The following TBC1D22A variants were observed in gnomAD, a reference collection of about 807,000 sequenced individuals.
TBC1D22A encodes TBC1 domain family member 22A.
Under a neutral mutation model 60.2 loss-of-function variants are expected in TBC1D22A, and 38 were observed. That is an observed-to-expected ratio of 0.63 (90% CI 0.49 to 0.83). The LOEUF (loss-of-function observed/expected upper bound fraction) is 0.83. Ranked by LOEUF, TBC1D22A falls within the 40% of genes least tolerant of loss-of-function variation. The pLI is 0.00. For missense variants in TBC1D22A, 628 were observed against 701.0 expected, an observed-to-expected ratio of 0.90 and a Z score of 1.18; for synonymous variants, 302 against 281.7, an observed-to-expected ratio of 1.07 and a Z score of -0.72.
Position 47,110,111 on chromosome 22 carries a change from C to A in TBC1D22A, c.1330-1397C>A, listed in dbSNP as rs868331848. 3.3e-5 allele frequency among the ~76,000 whole-genome samples: 5 copies of A among 152,320 alleles called. No individual in the cohort carries two copies. In the South Asian group the frequency reaches 8.3e-4, roughly 25 times the overall value. On this transcript the variant is annotated intron_variant, in intron 11 of 12. Coordinates refer to ENST00000337137, the MANE Select transcript of TBC1D22A (RefSeq NM_014346.5). ...CTGGTCTCCTCGCTTTTGGAACATT[C>A]CAAGCAGCTTCTAACCACAGGGTCT...
intron 10 of TBC1D22A, among the ~76,000 whole-genome samples, chr22:47,017,374 G>A (rs538474345): frequency 1.3e-5 from 2 of 152,336 alleles, no homozygotes; most frequent in South Asian, 4.1e-4. Flanking sequence ...GCTCAGGTGA[G>A]GGGTCGCCTT....
intron 1 of TBC1D22A, among the ~76,000 whole-genome samples, chr22:46,772,918 G>T (rs2083551953): frequency 6.6e-6 from 1 of 152,148 alleles, no homozygotes; most frequent in Non-Finnish European, 1.5e-5. Flanking sequence ...ATGAGCCACT[G>T]CATGTGGCCA....
intron 11 of TBC1D22A, among the ~76,000 whole-genome samples, chr22:47,050,878 C>T (rs1011518865): frequency 6.6e-6 from 1 of 152,136 alleles, no homozygotes; most frequent in East Asian, 1.9e-4. Flanking sequence ...CCCCTCTGAC[C>T]CTGGGTGGCA....
At chr22:47,095,774 G>C (rs2065148128) in intron 11 of TBC1D22A, among the ~76,000 whole-genome samples, 1 of 152,228 alleles carries the variant, frequency 6.6e-6, no homozygotes, top group Non-Finnish European at 1.5e-5. Context: ...CCCTTGAGAG[G>C]AAGGTTACAG....
chr22:46,811,844 C>T (rs1014767392), intron 4 of TBC1D22A, among the ~76,000 whole-genome samples: 1 of 152,064 alleles, frequency 6.6e-6, no homozygotes, highest in Admixed American at 6.5e-5. Context: ...TGAAGGCATT[C>T]GATTTGAGGC....
chr22:46,907,081 G>GTT, intron 7 of TBC1D22A, among the ~76,000 whole-genome samples: 1 of 151,520 alleles, frequency 6.6e-6, no homozygotes, highest in Admixed American at 6.6e-5. Flanking sequence ...GTGCTCTTCT[G>GTT]TGTGTGTGTG....
intron 12 of TBC1D22A, among the ~76,000 whole-genome samples, chr22:47,126,285 T>G (rs1161562452): frequency 6.6e-6 from 1 of 152,166 alleles, no homozygotes; most frequent in Non-Finnish European, 1.5e-5. Flanking sequence ...CCCGGCCAGA[T>G]GAAGATGTTT....
chr22:47,058,692 G>A (rs1203867821), intron 11 of TBC1D22A, among the ~76,000 whole-genome samples: 1 of 152,116 alleles, frequency 6.6e-6, no homozygotes, highest in Non-Finnish European at 1.5e-5. Flanking sequence ...CTGGGTCCCT[G>A]GAGAGCCACA....
At chr22:46,824,682 C>CGGTGGA (rs553351128) in intron 4 of TBC1D22A, among the ~76,000 whole-genome samples, 112 of 151,684 alleles carry the variant, frequency 7.4e-4, no homozygotes, top group African/African-American at 2.6e-3. Flanking sequence ...TGGCTGGAGT[C>CGGTGGA]GGTGGAGGTG....
At chr22:46,880,415 A>G (rs1366146028) in intron 5 of TBC1D22A, among the ~76,000 whole-genome samples, 1 of 152,206 alleles carries the variant, frequency 6.6e-6, no homozygotes, top group African/African-American at 2.4e-5. Flanking sequence ...TGAGTTTTTT[A>G]TAGTGATCTT....
intron 11 of TBC1D22A, among the ~76,000 whole-genome samples, chr22:47,067,073 C>G (rs2063799149): frequency 6.6e-6 from 1 of 152,216 alleles, no homozygotes; most frequent in Non-Finnish European, 1.5e-5. Flanking sequence ...TGAGACCACC[C>G]TGGCCAACAT....
intron 12 of TBC1D22A, among the ~76,000 whole-genome samples, chr22:47,173,188 C>T (rs981643378): frequency 1.3e-5 from 2 of 152,188 alleles, no homozygotes; most frequent in South Asian, 4.1e-4. Context: ...CTTGGAGCTG[C>T]GCAGTGGGCC....
intron 8 of TBC1D22A, chr22:46,915,412 G>T (rs879141575): frequency 2.2e-6 from 1 of 456,542 alleles, no homozygotes; most frequent in African/African-American, 2.0e-5. Flanking sequence ...CCTGGTAATG[G>T]GATTCTGTGG....
chr22:46,997,781 G>C, intron 10 of TBC1D22A, 72 bp downstream of exon 10: 2 of 1,422,184 alleles, frequency 1.4e-6, no homozygotes, highest in South Asian at 2.3e-5. Context: ...GTGGGACAGG[G>C]AGCTGTCCTC....
At chr22:46,783,322 C>T (rs111467981) in intron 1 of TBC1D22A, among the ~76,000 whole-genome samples, 62 of 152,296 alleles carry the variant, frequency 4.1e-4, no homozygotes, top group African/African-American at 1.4e-3. Context: ...GAGAGTAAGG[C>T]GGTGCTCCAG....
chr22:46,852,054 C>A (rs2087305330), intron 4 of TBC1D22A, among the ~76,000 whole-genome samples: 1 of 152,134 alleles, frequency 6.6e-6, no homozygotes, highest in South Asian at 2.1e-4. Context: ...TGTGGTGGGG[C>A]TCAGGGGCGC....
intron 12 of TBC1D22A, among the ~76,000 whole-genome samples, chr22:47,166,356 G>GGC (rs1167169321): frequency 6.6e-6 from 1 of 152,148 alleles, no homozygotes; most frequent in Non-Finnish European, 1.5e-5. Flanking sequence ...CAAAGAAAGA[G>GGC]GCAGGTGTCA....
intron 9 of TBC1D22A, among the ~76,000 whole-genome samples, chr22:46,981,816 A>G (rs547701946): frequency 2.6e-5 from 4 of 152,350 alleles, no homozygotes; most frequent in African/African-American, 9.6e-5. Flanking sequence ...TAGATCGAGC[A>G]GATAAGAATT....
chr22:46,785,653 A>G (rs1482310416), intron 1 of TBC1D22A, among the ~76,000 whole-genome samples: 1 of 152,224 alleles, frequency 6.6e-6, no homozygotes, highest in Non-Finnish European at 1.5e-5. Context: ...CGTTCTCTGT[A>G]TATAGAATTG....
Sources: allele counts gnomAD v4.1 joint callset (sites outside exome capture counted in the v4.1 genomes callset), GRCh38; gene constraint gnomAD v4.1.1; transcripts MANE v1.5; gene names NCBI Gene and HGNC (gene_info 2026-07-23, HGNC 2026-07-21).